The following NUBPL variants were observed in gnomAD, a reference collection of about 807,000 sequenced individuals.
NUBPL encodes NUBP iron-sulfur cluster assembly factor, mitochondrial.
A neutral mutation model predicts 45.7 loss-of-function variants in NUBPL; 31 were observed. The observed-to-expected ratio is 0.68, with a 90% CI of 0.51 to 0.92. The LOEUF (loss-of-function observed/expected upper bound fraction) is 0.92, where lower values mean the gene tolerates loss of function less well. Ranked by LOEUF, NUBPL falls within the 40% of genes least tolerant of loss-of-function variation. The pLI is 0.00. For missense variants in NUBPL, 401 were observed against 398.7 expected, an observed-to-expected ratio of 1.01 and a Z score of -0.05; for synonymous variants, 144 against 140.9, an observed-to-expected ratio of 1.02 and a Z score of -0.15.
intron 7 of NUBPL, among the ~76,000 whole-genome samples, chr14:31,810,252 A>G (rs1027425226): frequency 6.6e-6 from 1 of 152,114 alleles, no homozygotes; most frequent in Non-Finnish European, 1.5e-5. Context: ...GTGGGAGTCT[A>G]AGTCTCTTTT....
At chr14:31,856,906 A>G (rs2040630790) in intron 10 of NUBPL, among the ~76,000 whole-genome samples, 1 of 152,142 alleles carries the variant, frequency 6.6e-6, no homozygotes, top group African/African-American at 2.4e-5. Context: ...ACACTGTACA[A>G]GTTGTCAGTG....
intron 6 of NUBPL, among the ~76,000 whole-genome samples, chr14:31,755,913 A>C (rs1342739382): frequency 2.0e-5 from 3 of 151,572 alleles, no homozygotes; most frequent in South Asian, 2.1e-4. Flanking sequence ...AGCTTTGTAC[A>C]TATGGCTAGC....
intron 4 of NUBPL, among the ~76,000 whole-genome samples, chr14:31,660,326 C>T (rs1384355850): frequency 2.0e-5 from 3 of 152,148 alleles, no homozygotes; most frequent in Non-Finnish European, 4.4e-5. Flanking sequence ...ACCACTTTGT[C>T]TCACACAGCC....
chr14:31,619,856 C>A (rs1398676158), intron 4 of NUBPL, among the ~76,000 whole-genome samples: 2 of 152,080 alleles, frequency 1.3e-5, no homozygotes, highest in Non-Finnish European at 1.5e-5. Flanking sequence ...GGGAGTTCTC[C>A]TGGAAAACAC....
intron 6 of NUBPL, among the ~76,000 whole-genome samples, chr14:31,696,848 G>T (rs2037225173): frequency 6.6e-6 from 1 of 152,126 alleles, no homozygotes; most frequent in Non-Finnish European, 1.5e-5. Flanking sequence ...TTTAACAACA[G>T]ATTTCATTTC....
chr14:31,755,991 C>G (rs2038652412), intron 6 of NUBPL, among the ~76,000 whole-genome samples: 1 of 152,032 alleles, frequency 6.6e-6, no homozygotes, highest in South Asian at 2.1e-4. Context: ...TCAGGTTTGT[C>G]AAAGATCAGA....
intron 3 of NUBPL, among the ~76,000 whole-genome samples, chr14:31,581,040 C>T (rs150125224): frequency 1.5e-3 from 234 of 152,138 alleles, no homozygotes; most frequent in Non-Finnish European, 2.3e-3. Flanking sequence ...TAGAACAAGA[C>T]GACTAGCTAG....
At chr14:31,639,342 G>T (rs965223590) in intron 4 of NUBPL, among the ~76,000 whole-genome samples, 10 of 152,124 alleles carry the variant, frequency 6.6e-5, no homozygotes, top group African/African-American at 2.4e-4. Flanking sequence ...TTTGCTAGAG[G>T]TCCACTCCAG....
intron 4 of NUBPL, among the ~76,000 whole-genome samples, chr14:31,623,907 C>T (rs189725865): frequency 5.9e-5 from 9 of 152,116 alleles, no homozygotes; most frequent in Non-Finnish European, 1.0e-4. Context: ...CATAAATACC[C>T]TCTTGGGTTT....
intron 6 of NUBPL, among the ~76,000 whole-genome samples, chr14:31,716,144 T>G (rs2037683731): frequency 6.6e-6 from 1 of 152,190 alleles, no homozygotes. Flanking sequence ...TCAGGGACAG[T>G]AACATGCATG....
intron 4 of NUBPL, among the ~76,000 whole-genome samples, chr14:31,652,608 G>T (rs2036037074): frequency 6.6e-6 from 1 of 151,934 alleles, no homozygotes; most frequent in Non-Finnish European, 1.5e-5. Context: ...TTTAAATGAT[G>T]GCATTTATAT....
intron 6 of NUBPL, among the ~76,000 whole-genome samples, chr14:31,738,661 G>A (rs774794360): frequency 7.2e-5 from 11 of 152,120 alleles, no homozygotes; most frequent in Non-Finnish European, 1.6e-4. Flanking sequence ...GACATCTCTG[G>A]TAGCAACTAC....
chr14:31,653,148 A>G (rs1345921953), intron 4 of NUBPL, among the ~76,000 whole-genome samples: 1 of 152,258 alleles, frequency 6.6e-6, no homozygotes, highest in Non-Finnish European at 1.5e-5. Flanking sequence ...AGCAAAGATC[A>G]CAAGGCAAAG....
intron 6 of NUBPL, among the ~76,000 whole-genome samples, chr14:31,762,512 A>G (rs2038833417): frequency 6.6e-6 from 1 of 152,196 alleles, no homozygotes; most frequent in Non-Finnish European, 1.5e-5. Context: ...CCACCCAGTA[A>G]GTGTTAGTAT....
intron 6 of NUBPL, among the ~76,000 whole-genome samples, chr14:31,776,538 C>A (rs1295707421): frequency 6.6e-6 from 1 of 152,208 alleles, no homozygotes; most frequent in Non-Finnish European, 1.5e-5. Context: ...AGGACTTGAT[C>A]TGATTGGATC....
rs534477288 is a variant in NUBPL at position 31,736,630 on chromosome 14, T to C, written c.514-51150T>C. 7.2e-5 allele frequency among the ~76,000 whole-genome samples: 11 copies of C among 152,308 alleles called. No homozygotes were observed. In the South Asian group the frequency reaches 2.3e-3, roughly 32 times the overall value. On this transcript the variant is annotated intron_variant, in intron 6 of 10. Coordinates refer to ENST00000281081, the MANE Select transcript of NUBPL (RefSeq NM_025152.3). ...TGTTGACATCTGAGTTATTTCTAAC[T>C]TGGGGCTATTATGAATAAGCTGCCA...
chr14:31,576,563 A>G (rs66665255), intron 3 of NUBPL, among the ~76,000 whole-genome samples: 46,819 of 152,080 alleles, frequency 0.31, 7,831 homozygotes, highest in South Asian at 0.41. Context: ...GCCTACCTTT[A>G]TCTTAGTTAA....
intron 6 of NUBPL, among the ~76,000 whole-genome samples, chr14:31,777,769 A>T (rs1025604285): frequency 1.3e-5 from 2 of 152,218 alleles, no homozygotes; most frequent in Non-Finnish European, 2.9e-5. Flanking sequence ...GTATTTACCC[A>T]GATACAGCAG....
In NUBPL at chr14:31,618,779, T is replaced by C. The variant is rs188899968; in HGVS notation, c.382+19400T>C. ...GAGTTAGGGTGGAGAGTTCTGTAGA[T>C]GTCTATTAGGTCTGCTTGGTCCTAA... On this transcript the variant is annotated intron_variant, in intron 4 of 10. Transcript: ENST00000281081. Among the ~76,000 whole-genome samples the C allele has an allele frequency of 8.7e-4, 133 of 152,278 alleles. 1 individual carries two copies. Among genetic ancestry groups the C allele is most frequent in the Non-Finnish European group, 7.4e-4 (50 of 68,018 alleles).
Sources: allele counts gnomAD v4.1 joint callset (sites outside exome capture counted in the v4.1 genomes callset), GRCh38; gene constraint gnomAD v4.1.1; transcripts MANE v1.5; gene names NCBI Gene and HGNC (gene_info 2026-07-23, HGNC 2026-07-21).